The following MELK variants were observed in gnomAD, a reference collection of about 807,000 sequenced individuals.
MELK encodes the protein pEg3 kinase.
MELK carries 81 observed loss-of-function variants against 85.0 expected under a neutral mutation model. The ratio of observed to expected loss-of-function variants is 0.95; its 90% CI spans 0.80 to 1.15. The LOEUF is 1.15. Ranked by LOEUF, MELK falls within the 50% of genes most tolerant of loss-of-function variation. The pLI is 0.00. For missense variants in MELK, 754 were observed against 777.5 expected (o/e 0.97, Z 0.36); for synonymous variants, 252 against 265.0 (o/e 0.95, Z 0.48).
At chr9:36,600,606 C>T (rs1429910069) in intron 7 of MELK, among the ~76,000 whole-genome samples, 14 of 152,120 alleles carry the variant, frequency 9.2e-5, no homozygotes, top group Non-Finnish European at 1.8e-4. Flanking sequence ...AGGATGGTCT[C>T]GATCTGCTGA....
chr9:36,597,605 C>T (rs1409368716), intron 6 of MELK, among the ~76,000 whole-genome samples: 3 of 152,138 alleles, frequency 2.0e-5, no homozygotes, highest in African/African-American at 7.2e-5. Context: ...CCAGTGCTTG[C>T]AGTTTGAGTA....
chr9:36,619,598 G>T (rs553193336), intron 8 of MELK, among the ~76,000 whole-genome samples: 1 of 151,802 alleles, frequency 6.6e-6, no homozygotes, highest in East Asian at 1.9e-4. Flanking sequence ...ACAAAATGAG[G>T]TATTATGTAG....
At chr9:36,630,975 T>A (rs10973008) in intron 9 of MELK, among the ~76,000 whole-genome samples, 5,547 of 146,232 alleles carry the variant, frequency 0.038, 230 homozygotes, top group African/African-American at 0.11. Context: ...TTTTTTTTTT[T>A]TTTATTTAGA....
chr9:36,592,355 T>A (rs1324903350), intron 4 of MELK, among the ~76,000 whole-genome samples: 1 of 152,020 alleles, frequency 6.6e-6, no homozygotes, highest in Non-Finnish European at 1.5e-5. Context: ...TTGTATTTTT[T>A]AGTAGAGACG....
intron 11 of MELK, among the ~76,000 whole-genome samples, chr9:36,650,155 G>A (rs778419742): frequency 3.1e-4 from 47 of 151,958 alleles, no homozygotes; most frequent in Non-Finnish European, 3.8e-4. Context: ...ATGTTAGCCA[G>A]GATGGTCTCG....
chr9:36,600,098 T>C (rs1289198714), intron 7 of MELK, among the ~76,000 whole-genome samples: 7 of 138,334 alleles, frequency 5.1e-5, no homozygotes, highest in Admixed American at 2.0e-4. Context: ...TGTTTTGTTT[T>C]GTTTTTTTTT....
At chr9:36,673,156 A>G (rs892563101) in intron 16 of MELK, among the ~76,000 whole-genome samples, 4 of 152,204 alleles carry the variant, frequency 2.6e-5, no homozygotes, top group African/African-American at 9.6e-5. Flanking sequence ...TATTTTACCA[A>G]AGCAGTAATA....
At chr9:36,607,850 C>G (rs1159607521) in intron 8 of MELK, among the ~76,000 whole-genome samples, 177 bp downstream of exon 8, 2 of 152,154 alleles carry the variant, frequency 1.3e-5, no homozygotes, top group African/African-American at 4.8e-5. Context: ...GTTTCTTAAT[C>G]TGGGAGTTGG....
chr9:36,663,816 A>T (rs544405072), intron 13 of MELK, among the ~76,000 whole-genome samples: 6 of 152,258 alleles, frequency 3.9e-5, no homozygotes, highest in African/African-American at 1.4e-4. Context: ...TTGATTTTGT[A>T]TCTTTGCTAT....
At chr9:36,589,961 G>A (rs902984469) in intron 4 of MELK, among the ~76,000 whole-genome samples, 3 of 134,582 alleles carry the variant, frequency 2.2e-5, no homozygotes, top group East Asian at 2.1e-4. Context: ...TCGCTCTGTC[G>A]CTCAGGCTGA....
chr9:36,669,425 T>G lies in MELK; in HGVS notation c.1505+19T>G. 6.5e-7 allele frequency: 1 copy of G among 1,529,944 alleles called. No homozygotes were observed. Among genetic ancestry groups the G allele is most frequent in the Non-Finnish European group, 8.9e-7 (1 of 1,121,158 alleles). 94.8% of individuals were successfully genotyped at this position (1,529,944 alleles called of 1,614,324 possible). A position where few individuals can be genotyped will look rare whatever the true frequency, so the allele number is the denominator to read the frequency against. On this transcript the variant is annotated intron_variant, in intron 15 of 17. Coordinates refer to ENST00000298048, the MANE Select transcript of MELK (RefSeq NM_014791.4). ...AGAGGCGGTAAGTGTTTGGTTTTTT[T>G]AGACTCTAATCTTTAGTATATGTAA...
intron 8 of MELK, among the ~76,000 whole-genome samples, chr9:36,616,773 G>A (rs1390211414): frequency 6.7e-6 from 1 of 149,082 alleles, no homozygotes; most frequent in East Asian, 2.0e-4. Flanking sequence ...GCCTGCATAT[G>A]TAAGGAATTT....
At chr9:36,649,654 G>A (rs183474759) in intron 11 of MELK, among the ~76,000 whole-genome samples, 4 of 151,656 alleles carry the variant, frequency 2.6e-5, no homozygotes, top group African/African-American at 9.7e-5. Flanking sequence ...CTGTAATCCC[G>A]GGTACTCGGG....
At chr9:36,640,152 T>G (rs1288550444) in intron 10 of MELK, among the ~76,000 whole-genome samples, 4 of 152,240 alleles carry the variant, frequency 2.6e-5, no homozygotes, top group African/African-American at 9.6e-5. Context: ...CAAGGCTCTC[T>G]CAGTCTGTTT....
rs756479355 is a variant in MELK, at chr9:36,665,530, C to A, written c.1357C>A (p.His453Asn). Residue 453 changes from histidine to asparagine, a missense_variant, in exon 14 of 18, where the codon CAT (histidine) becomes AAT (asparagine). His to Asn is a moderately conservative substitution (Grantham distance 68, BLOSUM62 1). Transcript: ENST00000298048. The stretch of plus-strand genomic sequence containing the variant: ...AAAGACTCCAGTTAATAAGAACCAG[C>A]ATAAGAGAGAAATACTCACTACGCC... Reference protein sequence around the residue: ...EPKTPVNKNQHKREILTTPNR... With the variant: ...EPKTPVNKNQNKREILTTPNR... 3 of 1,613,736 alleles carry A rather than the reference C, an allele frequency of 1.9e-6. No homozygotes were observed. In the South Asian group the frequency reaches 3.3e-5, roughly 18 times the overall value.
At chr9:36,668,045 CG>C (rs1832550096) in intron 14 of MELK, among the ~76,000 whole-genome samples, 1 of 152,148 alleles carries the variant, frequency 6.6e-6, no homozygotes, top group African/African-American at 2.4e-5. Context: ...GCTGGGATTA[CG>C]GGGGTGAGCC....
Position 36,583,626 on chromosome 9 carries a change from G to C in MELK, c.59-1G>C. 1 of 1,601,196 alleles carries C rather than the reference G, an allele frequency of 6.2e-7. No individual in the cohort carries two copies. Among genetic ancestry groups the C allele is most frequent in the Non-Finnish European group, 8.5e-7 (1 of 1,170,588 alleles). On this transcript the variant is annotated splice_acceptor_variant, in intron 2 of 17. Coordinates refer to ENST00000298048, the MANE Select transcript of MELK (RefSeq NM_014791.4). LOFTEE classifies it high-confidence loss of function. ...CTTTCATAATACATTTTCCTACTTA[G>C]GTGGCTTTGCAAAGGTCAAACTTGC...
At chr9:36,653,314 T>C (rs1390955138) in intron 12 of MELK, among the ~76,000 whole-genome samples, 2 of 152,122 alleles carry the variant, frequency 1.3e-5, no homozygotes, top group Non-Finnish European at 2.9e-5. Context: ...ACCTGGCTAA[T>C]TTTTAATTTT....
intron 14 of MELK, 25 bp from the exon 15 acceptor site, chr9:36,669,285 A>T: frequency 6.7e-7 from 1 of 1,482,392 alleles, no homozygotes; most frequent in Non-Finnish European, 9.3e-7. Flanking sequence ...CTGCATATGG[A>T]TTGTGTTTGT....
Sources: allele counts gnomAD v4.1 joint callset (sites outside exome capture counted in the v4.1 genomes callset), GRCh38; gene constraint gnomAD v4.1.1; transcripts MANE v1.5; gene names NCBI Gene and HGNC (gene_info 2026-07-23, HGNC 2026-07-21).